Variants in KIAA1217 observed in about 807,000 individuals in gnomAD.
KIAA1217 encodes the protein KIAA1217, also known as sickle tail protein homolog.
Under a neutral mutation model 163.9 loss-of-function variants are expected in KIAA1217, and 88 were observed. The observed-to-expected ratio is 0.54, with a 90% confidence interval of 0.45 to 0.64. KIAA1217 has a LOEUF of 0.64. Among genes scored for constraint, KIAA1217 ranks in the 30% least tolerant of loss-of-function variants. The probability of loss-of-function intolerance (pLI) is 0.00; values close to 1 mark genes in which losing one functional copy is unlikely to be tolerated. For missense variants in KIAA1217, 2,372 were observed against 2,475.0 expected (o/e 0.96, Z 0.88); for synonymous variants, 903 against 923.1 (o/e 0.98, Z 0.39).
chr10:24,514,122 T>A (rs2069648506), intron 10 of KIAA1217, among the ~76,000 whole-genome samples: 1 of 152,160 alleles, frequency 6.6e-6, no homozygotes, highest in Admixed American at 6.5e-5. Flanking sequence ...ATTTTATTAC[T>A]CCCCCGTCAC....
At chr10:24,196,534 A>G (rs533790081) in intron 2 of KIAA1217, among the ~76,000 whole-genome samples, 2 of 152,194 alleles carry the variant, frequency 1.3e-5, no homozygotes, top group Non-Finnish European at 2.9e-5. Context: ...GAAATCCAAG[A>G]ATGCTTTCAT....
intron 1 of KIAA1217, among the ~76,000 whole-genome samples, chr10:23,940,014 T>A (rs1306217189): frequency 3.3e-5 from 5 of 151,332 alleles, no homozygotes; most frequent in Non-Finnish European, 2.9e-5. Flanking sequence ...GCAGTAGATT[T>A]TAGGAGAAAG....
intron 1 of KIAA1217, among the ~76,000 whole-genome samples, chr10:23,736,744 T>C (rs1838830542): frequency 6.6e-6 from 1 of 152,162 alleles, no homozygotes; most frequent in Non-Finnish European, 1.5e-5. Flanking sequence ...CAGGCTGGTC[T>C]TGAACTCCTG....
chr10:24,027,109 A>C (rs1014183525), intron 2 of KIAA1217, among the ~76,000 whole-genome samples: 2 of 152,058 alleles, frequency 1.3e-5, no homozygotes, highest in African/African-American at 4.8e-5. Flanking sequence ...TGTTGTTATC[A>C]GAGAAAATAT....
At chr10:23,763,683 G>A (rs1015809402) in intron 1 of KIAA1217, among the ~76,000 whole-genome samples, 12 of 152,300 alleles carry the variant, frequency 7.9e-5, no homozygotes, top group East Asian at 5.8e-4. Context: ...CAGGACATAA[G>A]CATGGGCGAA....
At chr10:24,515,500 G>A (rs1045946030) in intron 10 of KIAA1217, among the ~76,000 whole-genome samples, 1 of 152,180 alleles carries the variant, frequency 6.6e-6, no homozygotes, top group Non-Finnish European at 1.5e-5. Context: ...AGACAGAAAA[G>A]GTAGTGGAAC....
In KIAA1217 at chr10:24,196,548, A is replaced by G. The variant is rs1206322400; in HGVS notation, c.-170-23078A>G. Among the ~76,000 whole-genome samples, 3 of 152,204 alleles carry G rather than the reference A, an allele frequency of 2.0e-5. No homozygotes were observed. The South Asian group carries it at 6.2e-4, about 32-fold the overall frequency. On this transcript the variant is annotated intron_variant, in intron 2 of 18. Coordinates refer to the KIAA1217 transcript ENST00000376462. Reference sequence around the variant, plus strand: ...AGAAATCCAAGAATGCTTTCATTGGAAATTCAGGAAAAAGTTTACACCTTG... The same window carrying G: ...AGAAATCCAAGAATGCTTTCATTGGGAATTCAGGAAAAAGTTTACACCTTG...
chr10:24,352,713 G>A (rs753140931), intron 2 of KIAA1217, among the ~76,000 whole-genome samples: 3 of 152,168 alleles, frequency 2.0e-5, no homozygotes, highest in Admixed American at 6.5e-5. Context: ...GGAGGGCATC[G>A]TGATACTTGG....
chr10:23,743,043 G>A (rs751362676), intron 1 of KIAA1217, among the ~76,000 whole-genome samples: 3 of 152,154 alleles, frequency 2.0e-5, no homozygotes, highest in Non-Finnish European at 4.4e-5. Flanking sequence ...GATTGCCTGG[G>A]ATCAAAGCCA....
chr10:24,438,407 C>T lies in KIAA1217; in HGVS notation c.774C>T (p.Leu258=), dbSNP rs1814662367. 6.2e-7 allele frequency: 1 copy of T among 1,612,932 alleles called. No homozygotes were observed. The highest frequency in any genetic ancestry group is 8.5e-7 in the Non-Finnish European group (1 of 1,178,936). ...CCAGGAACATTCAAGACAGATCACT[C>T]CTCAAAGTGTACAACAAGGATCCTG... ...NDVRNIQDRS[L]LKVYNKDPAH... The change falls in exon 5 of 21, where the codon CTC becomes CTT. Residue 258 remains leucine, a synonymous_variant. Transcript: ENST00000376454.
intron 2 of KIAA1217, among the ~76,000 whole-genome samples, chr10:24,262,371 T>A (rs2075805952): frequency 6.6e-6 from 1 of 152,208 alleles, no homozygotes; most frequent in Non-Finnish European, 1.5e-5. Flanking sequence ...CTCACACCTG[T>A]AATCCCAGCA....
At chr10:23,967,563 T>A (rs1845117658) in intron 1 of KIAA1217, among the ~76,000 whole-genome samples, 4 of 152,200 alleles carry the variant, frequency 2.6e-5, no homozygotes, top group Admixed American at 2.0e-4. Context: ...GTGTATTCAA[T>A]ATCACTTATT....
At chr10:23,900,557 A>G (rs906170042) in intron 1 of KIAA1217, among the ~76,000 whole-genome samples, 6 of 152,136 alleles carry the variant, frequency 3.9e-5, no homozygotes, top group African/African-American at 1.4e-4. Context: ...ACTTCCTTTC[A>G]CAAAAAGTAT....
intron 1 of KIAA1217, among the ~76,000 whole-genome samples, chr10:23,847,051 A>G (rs1839069039): frequency 1.3e-5 from 2 of 152,148 alleles, no homozygotes; most frequent in Non-Finnish European, 2.9e-5. Context: ...TGATTTGCAT[A>G]TGTTGAACCA....
chr10:24,433,538 T>G (rs1052585665), intron 4 of KIAA1217, among the ~76,000 whole-genome samples: 3 of 150,500 alleles, frequency 2.0e-5, no homozygotes, highest in Non-Finnish European at 3.0e-5. Flanking sequence ...CCACAGATTT[T>G]TGAATGCTAC....
intron 2 of KIAA1217, among the ~76,000 whole-genome samples, chr10:24,287,875 A>C (rs906724468): frequency 6.6e-6 from 1 of 152,206 alleles, no homozygotes; most frequent in Non-Finnish European, 1.5e-5. Flanking sequence ...AAATGTTGAG[A>C]CATATCTCAC....
intron 2 of KIAA1217, among the ~76,000 whole-genome samples, chr10:24,169,746 T>G (rs1362536537): frequency 6.6e-6 from 1 of 152,146 alleles, no homozygotes; most frequent in Non-Finnish European, 1.5e-5. Context: ...GTGCTTCTCT[T>G]AGACAAAGAT....
At chr10:24,149,881 T>A (rs1465405074) in intron 2 of KIAA1217, among the ~76,000 whole-genome samples, 3 of 152,198 alleles carry the variant, frequency 2.0e-5, no homozygotes, top group Non-Finnish European at 4.4e-5. Context: ...GCAACTATTA[T>A]ATAGCAAGTT....
At chr10:24,326,669 T>C (rs2044945275) in intron 2 of KIAA1217, among the ~76,000 whole-genome samples, 1 of 152,204 alleles carries the variant, frequency 6.6e-6, no homozygotes, top group African/African-American at 2.4e-5. Context: ...TTTTCTGTTA[T>C]TATTTTTTTC....
Sources: gnomAD v4.1 joint callset for allele counts (sites outside exome capture counted in the v4.1 genomes callset) on GRCh38, gnomAD v4.1.1 for gene constraint, MANE v1.5 for transcripts, NCBI Gene and HGNC (gene_info 2026-07-23, HGNC 2026-07-21) for gene names.